The following SKA1 variants were observed in gnomAD, a reference collection of about 807,000 sequenced individuals.
SKA1 encodes the protein spindle and kinetochore associated complex subunit 1, also known as SKA complex subunit 1.
In SKA1, 20 loss-of-function variants were observed where a neutral mutation model predicts 31.8. The ratio of observed to expected loss-of-function variants is 0.63; its 90% CI spans 0.44 to 0.91. SKA1 has a LOEUF of 0.91. SKA1 is among the 40% of genes least tolerant of loss of function. SKA1 has a pLI of 0.00. For missense variants in SKA1, 253 were observed against 298.2 expected (o/e 0.85, Z 1.12); for synonymous variants, 88 against 100.5 (o/e 0.88, Z 0.74).
chr18:50,381,441 C>G (rs757959965), intron 3 of SKA1, among the ~76,000 whole-genome samples: 6 of 152,124 alleles, frequency 3.9e-5, no homozygotes, highest in Non-Finnish European at 5.9e-5. Context: ...ACAGGTAACA[C>G]TGGGGAGCAT....
chr18:50,382,020 C>T, intron 3 of SKA1, 109 bp from the exon 4 acceptor site: 2 of 702,362 alleles, frequency 2.8e-6, no homozygotes, highest in South Asian at 2.0e-5. Flanking sequence ...CCACCGCGTC[C>T]AGCCACAGTC....
intron 5 of SKA1, among the ~76,000 whole-genome samples, chr18:50,389,375 CTTTTT>C (rs756288352): frequency 2.8e-4 from 24 of 86,140 alleles, no homozygotes; most frequent in Non-Finnish European, 4.6e-4. Context: ...CTTTACCTTT[CTTTTT>C]TTTTTTTTTT....
Position 50,393,143 on chromosome 18 carries a change from GT to G in SKA1, c.*898del. 6.6e-6 allele frequency: 1 copy of G among 152,390 alleles called. No homozygotes were observed. The highest frequency in any genetic ancestry group is 2.1e-4 in the South Asian group (1 of 4,824). The allele number at this position is 152,390 out of a possible 1,614,324, so 9.4% of individuals were successfully genotyped here. ...AAAAATGCTCATGTCCAGTTTTTGT[GT>G]TGAGTGAACAATGCTGCAGACCCTA... On this transcript the variant is annotated 3_prime_UTR_variant, in exon 7 of 7. Transcript: ENST00000285116.
At position 50,392,373 on chromosome 18, in the gene SKA1, G is replaced by A. The variant is rs1330637428; in HGVS notation, c.*126G>A. 7 of 594,240 alleles carry A rather than the reference G, an allele frequency of 1.2e-5. No homozygotes were observed. Among genetic ancestry groups the A allele is most frequent in the Non-Finnish European group, 1.4e-5 (6 of 422,574 alleles). 36.8% of individuals were successfully genotyped at this position (594,240 alleles called of 1,614,324 possible). On this transcript the variant is annotated 3_prime_UTR_variant, in exon 7 of 7. Transcript: ENST00000285116. ...TTTCCTTTTTTTTTTTTTTGAGACA[G>A]GATCTTGCTTTGTCACCCAGGGGCT...
chr18:50,376,560 G>GTGAA (rs150968863), intron 2 of SKA1, among the ~76,000 whole-genome samples: 1 of 151,876 alleles, frequency 6.6e-6, no homozygotes, highest in East Asian at 1.9e-4. Context: ...GGGTGAGACA[G>GTGAA]TGACTGTGAG....
rs181560821 is a variant in SKA1, at chr18:50,393,440, G to T, written c.*1193G>T. The T allele has an allele frequency of 4.6e-5, 7 of 152,318 alleles. No individual in the cohort carries two copies. Among genetic ancestry groups the T allele is most frequent in the Admixed American group, 2.6e-4 (4 of 15,310 alleles). The allele number at this position is 152,318 out of a possible 1,614,324, so 9.4% of individuals were successfully genotyped here. On this transcript the variant is annotated 3_prime_UTR_variant, in exon 7 of 7. Transcript: ENST00000285116. ...TCTAAATTCCATCGATGGCATTTCA[G>T]TCTATAGGTAAACTTCCTGGAAGCT...
chr18:50,380,639 A>G (rs932749202), intron 3 of SKA1, among the ~76,000 whole-genome samples: 5 of 152,212 alleles, frequency 3.3e-5, no homozygotes, highest in Admixed American at 2.6e-4. Flanking sequence ...TGGGGTTTCA[A>G]GAACCTCATC....
At position 50,393,849 on chromosome 18, in the gene SKA1, C is replaced by G. The variant is rs2041379854; in HGVS notation, c.*1602C>G. 1 of 152,136 alleles carries G rather than the reference C, an allele frequency of 6.6e-6. No individual in the cohort carries two copies. Among genetic ancestry groups the G allele is most frequent in the South Asian group, 2.1e-4 (1 of 4,822 alleles). The allele number at this position is 152,136 out of a possible 1,614,324, so 9.4% of individuals were successfully genotyped here. On this transcript the variant is annotated 3_prime_UTR_variant, in exon 7 of 7. Coordinates refer to ENST00000285116, the MANE Select transcript of SKA1 (RefSeq NM_145060.4). ...GCACCTGGATAACTCAGGATGGGGGCTGCTCACAAAGACCACATCATGATT... is the reference window on the plus strand; with the variant it reads ...GCACCTGGATAACTCAGGATGGGGGGTGCTCACAAAGACCACATCATGATT...
rs1022204481 is a variant in SKA1, at chr18:50,382,320, T to A, written c.311+94T>A. On this transcript the variant is annotated intron_variant, in intron 4 of 6. Transcript: ENST00000285116. ...TTTTGTTCTTTCATATACTTGCAGT[T>A]TTGTCAGCGATGATCTAGTTTTTTG... 1.0e-5 allele frequency: 7 copies of A among 695,394 alleles called. No homozygotes were observed. The African/African-American group carries it at 1.3e-4, about 13-fold the overall frequency. 43.1% of individuals were successfully genotyped at this position (695,394 alleles called of 1,614,324 possible). A position where few individuals can be genotyped will look rare whatever the true frequency, so the allele number is the denominator to read the frequency against.
chr18:50,387,608 G>C (rs1242119138), intron 5 of SKA1, among the ~76,000 whole-genome samples: 1 of 152,118 alleles, frequency 6.6e-6, no homozygotes, highest in Non-Finnish European at 1.5e-5. Flanking sequence ...ATCTATTGAT[G>C]TATCTTCAAG....
intron 6 of SKA1, 81 bp from the exon 7 acceptor site, chr18:50,392,018 T>C (rs2041360843): frequency 9.2e-7 from 1 of 1,090,990 alleles, no homozygotes; most frequent in South Asian, 2.0e-5. Context: ...ACTAATACCA[T>C]TCATATTCAC....
intron 4 of SKA1, 46 bp downstream of exon 4, chr18:50,382,272 A>G: frequency 1.6e-6 from 2 of 1,213,858 alleles, no homozygotes; most frequent in Non-Finnish European, 2.3e-6. Context: ...TTATAAACCC[A>G]TGAAAACAAG....
At chr18:50,377,919 G>GT (rs10690610) in intron 2 of SKA1, among the ~76,000 whole-genome samples, 2 of 151,808 alleles carry the variant, frequency 1.3e-5, no homozygotes, top group African/African-American at 4.8e-5. Context: ...TAAAGGGACT[G>GT]GGTTCATCTT....
chr18:50,389,375 C>CTTTTTTTTTTTTTTTTTTTTTTTTTTT (rs756288352), intron 5 of SKA1, among the ~76,000 whole-genome samples: 12 of 86,138 alleles, frequency 1.4e-4, no homozygotes, highest in South Asian at 4.3e-4. Flanking sequence ...CTTTACCTTT[C>CTTTTTTTTTTTTTTTTTTTTTTTTTTT]TTTTTTTTTT....
intron 5 of SKA1, among the ~76,000 whole-genome samples, chr18:50,388,433 C>G (rs1463493510): frequency 1.3e-5 from 2 of 152,120 alleles, no homozygotes; most frequent in Non-Finnish European, 2.9e-5. Flanking sequence ...TTTGGGTTTC[C>G]TTAGAAATTT....
At chr18:50,382,472 A>G (rs1377799850) in intron 4 of SKA1, among the ~76,000 whole-genome samples, 1 of 151,696 alleles carries the variant, frequency 6.6e-6, no homozygotes, top group Non-Finnish European at 1.5e-5. Flanking sequence ...TTTTTCACTC[A>G]TTTCTTTCCC....
intron 5 of SKA1, among the ~76,000 whole-genome samples, chr18:50,388,077 T>G (rs2041324986): frequency 6.6e-6 from 1 of 152,094 alleles, no homozygotes; most frequent in Non-Finnish European, 1.5e-5. Context: ...TTCCCATTTC[T>G]TTTGTTTGTT....
In SKA1 at chr18:50,385,353, C is replaced by T. The variant is rs377141265; in HGVS notation, c.449C>T (p.Ser150Leu). ...ITCDEFNGVPSYMKSRLTYNQ... is the reference protein window; with the variant it reads ...ITCDEFNGVPLYMKSRLTYNQ... Reference sequence around the variant, plus strand: ...TGTGATGAGTTCAATGGTGTTCCTTCGTAAGTATTTAAGATAAATAATGTT... The same window carrying T: ...TGTGATGAGTTCAATGGTGTTCCTTTGTAAGTATTTAAGATAAATAATGTT... Residue 150 changes from serine to leucine, a missense_variant and splice_region_variant, in exon 5 of 7, where the codon TCG (serine) becomes TTG (leucine). By Grantham distance (145) the Ser-to-Leu change is moderately radical. Transcript: ENST00000285116. 20 of 1,597,048 alleles carry T rather than the reference C, an allele frequency of 1.3e-5. No homozygotes were observed. Among genetic ancestry groups the T allele is most frequent in the Middle Eastern group, 1.7e-4 (1 of 5,994 alleles).
Position 50,392,236 on chromosome 18 carries a change from G to C in SKA1, c.757G>C (p.Val253Leu). 1.3e-6 allele frequency: 2 copies of C among 1,577,630 alleles called. No homozygotes were observed. The highest frequency in any genetic ancestry group is 1.7e-6 in the Non-Finnish European group (2 of 1,166,970). ...CCGAGGGGGAGGACTTACTCGTTAT[G>C]TTATAACCTGAGTCCCTTGTGAACT... is the stretch of plus-strand genomic sequence containing the variant. ...EVRGGGLTRY[V>L]IT is the part of the protein sequence containing the mutation. The change falls in exon 7 of 7, where the codon GTT becomes CTT. Residue 253 changes from valine to leucine, a missense_variant. Transcript: ENST00000285116.
Sources: gnomAD v4.1 joint callset for allele counts (sites outside exome capture counted in the v4.1 genomes callset) on GRCh38, gnomAD v4.1.1 for gene constraint, MANE v1.5 for transcripts, NCBI Gene and HGNC (gene_info 2026-07-23, HGNC 2026-07-21) for gene names.